The following ANTXR1 variants were observed in gnomAD, a reference collection of about 807,000 sequenced individuals.
ANTXR1 encodes anthrax toxin receptor 1.
In ANTXR1, 19 loss-of-function variants were observed where a neutral mutation model predicts 78.1. The ratio of observed to expected loss-of-function variants is 0.24; its 90% CI spans 0.17 to 0.36. ANTXR1 has a LOEUF of 0.36. ANTXR1 is among the 10% of genes least tolerant of loss of function. The probability of loss-of-function intolerance (pLI) is 1.00; values close to 1 mark genes in which losing one functional copy is unlikely to be tolerated. For synonymous variants in ANTXR1, 273 were observed against 260.5 expected, an observed-to-expected ratio of 1.05 and a Z score of -0.46; for missense variants, 518 against 718.6, an observed-to-expected ratio of 0.72 and a Z score of 3.19.
intron 14 of ANTXR1, among the ~76,000 whole-genome samples, chr2:69,180,385 A>G (rs1459732049): frequency 6.6e-6 from 1 of 152,216 alleles, no homozygotes; most frequent in African/African-American, 2.4e-5. Flanking sequence ...GAGAGAAATC[A>G]TGCCACTTCC....
chr2:69,111,290 C>A (rs1260427673), intron 10 of ANTXR1, among the ~76,000 whole-genome samples: 1 of 152,200 alleles, frequency 6.6e-6, no homozygotes, highest in Non-Finnish European at 1.5e-5. Flanking sequence ...AAAAGATCCA[C>A]TTTCAACTGG....
Position 69,102,855 on chromosome 2 carries a change from TGTC to T in ANTXR1, c.720_722del (p.Val241del). 1 of 1,614,110 alleles carries T rather than the reference TGTC, an allele frequency of 6.2e-7. No individual in the cohort carries two copies. The highest frequency in any genetic ancestry group is 8.5e-7 in the Non-Finnish European group (1 of 1,180,020). On this transcript the variant is annotated inframe_deletion, in exon 10 of 18. Transcript: ENST00000303714. The stretch of plus-strand genomic sequence containing the variant: ...TCTTTATTTCAGAGTCATTTCAAGT[TGTC>T]GTGAGAGGAAACGGCTTCCGACATG...
chr2:69,102,550 A>G (rs1329911911), intron 9 of ANTXR1, among the ~76,000 whole-genome samples: 1 of 152,230 alleles, frequency 6.6e-6, no homozygotes, highest in Non-Finnish European at 1.5e-5. Flanking sequence ...CTAAGATTTG[A>G]ATGGACAGAG....
intron 8 of ANTXR1, among the ~76,000 whole-genome samples, chr2:69,087,927 C>A (rs1003209625): frequency 1.3e-5 from 2 of 152,212 alleles, no homozygotes; most frequent in Non-Finnish European, 2.9e-5. Context: ...TGAAACCAGA[C>A]ATTTCAAATG....
At chr2:69,018,039 C>T (rs1386448515) in intron 1 of ANTXR1, among the ~76,000 whole-genome samples, 1 of 151,978 alleles carries the variant, frequency 6.6e-6, no homozygotes, top group African/African-American at 2.4e-5. Context: ...TTATGTGTGC[C>T]CTGAAGACTT....
At chr2:69,217,541 C>T (rs946491699) in intron 17 of ANTXR1, among the ~76,000 whole-genome samples, 29 of 152,308 alleles carry the variant, frequency 1.9e-4, no homozygotes, top group African/African-American at 7.0e-4. Context: ...CCACTCTGAA[C>T]TTGTAAAATG....
chr2:69,174,529 G>A (rs970283899), intron 14 of ANTXR1, among the ~76,000 whole-genome samples: 4 of 152,104 alleles, frequency 2.6e-5, no homozygotes, highest in African/African-American at 9.7e-5. Flanking sequence ...GGAGGCTAAG[G>A]CAGAAGAATT....
chr2:69,157,855 G>C (rs1305703600), intron 13 of ANTXR1, among the ~76,000 whole-genome samples: 3 of 152,084 alleles, frequency 2.0e-5, no homozygotes, highest in Non-Finnish European at 4.4e-5. Flanking sequence ...TTTTAAAAAA[G>C]GCAGCCAGGT....
At chr2:69,119,809 C>A (rs1364604354) in intron 10 of ANTXR1, among the ~76,000 whole-genome samples, 2 of 152,178 alleles carry the variant, frequency 1.3e-5, no homozygotes, top group Non-Finnish European at 2.9e-5. Context: ...CCGTGTGTAA[C>A]CTTGGACAAG....
chr2:69,189,605 A>G (rs1340552723), intron 16 of ANTXR1, among the ~76,000 whole-genome samples: 1 of 152,216 alleles, frequency 6.6e-6, no homozygotes, highest in Non-Finnish European at 1.5e-5. Flanking sequence ...ACAGATGATG[A>G]GGGCCTGGGC....
chr2:69,053,454 T>C (rs1669985382), intron 3 of ANTXR1, among the ~76,000 whole-genome samples: 1 of 152,154 alleles, frequency 6.6e-6, no homozygotes. Flanking sequence ...TTTCTTCTTG[T>C]GCTCTAGGAT....
intron 7 of ANTXR1, 160 bp from the exon 8 acceptor site, chr2:69,077,248 C>T: frequency 1.4e-6 from 1 of 715,210 alleles, no homozygotes; most frequent in African/African-American, 1.8e-5. Context: ...CTTGTTATTA[C>T]TGATGGCTTT....
intron 9 of ANTXR1, among the ~76,000 whole-genome samples, chr2:69,100,974 A>G (rs1279144665): frequency 6.6e-6 from 1 of 152,196 alleles, no homozygotes; most frequent in Non-Finnish European, 1.5e-5. Flanking sequence ...AAAAAACCAT[A>G]GGCCCGTCAC....
chr2:69,061,079 A>G (rs879567756), intron 3 of ANTXR1, among the ~76,000 whole-genome samples: 5 of 152,196 alleles, frequency 3.3e-5, no homozygotes, highest in Admixed American at 1.3e-4. Flanking sequence ...TGAACAAACC[A>G]TGTAGCCTTG....
At chr2:69,221,397 C>A (rs1295855740) in intron 17 of ANTXR1, among the ~76,000 whole-genome samples, 1 of 152,118 alleles carries the variant, frequency 6.6e-6, no homozygotes, top group Non-Finnish European at 1.5e-5. Context: ...GATTAAGCCC[C>A]ATTTTGTCCC....
At chr2:69,105,774 C>T (rs1671788813) in intron 10 of ANTXR1, among the ~76,000 whole-genome samples, 1 of 151,912 alleles carries the variant, frequency 6.6e-6, no homozygotes, top group South Asian at 2.1e-4. Flanking sequence ...CTAAGTGCTG[C>T]ATTGGAATTT....
intron 16 of ANTXR1, among the ~76,000 whole-genome samples, chr2:69,185,349 G>A (rs1049566748): frequency 6.6e-6 from 1 of 151,966 alleles, no homozygotes; most frequent in Non-Finnish European, 1.5e-5. Flanking sequence ...GACCAGCCCC[G>A]GCCAACATGG....
Position 69,105,506 on chromosome 2 carries a change from C to T in ANTXR1, c.802+2566C>T, listed in dbSNP as rs543482728. Among the ~76,000 whole-genome samples, 4 of 152,290 alleles carry T rather than the reference C, an allele frequency of 2.6e-5. No individual in the cohort carries two copies. The South Asian group carries it at 6.2e-4, about 24-fold the overall frequency. On this transcript the variant is annotated intron_variant, in intron 10 of 17. Transcript: ENST00000303714. ...AGTTAGTAATTCACCTGTTCATTTCCATGGAGAAAATAATATGAACAAGAA... is the reference window on the plus strand; with the variant it reads ...AGTTAGTAATTCACCTGTTCATTTCTATGGAGAAAATAATATGAACAAGAA...
rs772599768 is a variant in ANTXR1, at chr2:69,170,229, TTC to T, written c.1048-15_1048-14del. 2.5e-6 allele frequency: 4 copies of T among 1,614,136 alleles called. No homozygotes were observed. The highest frequency in any genetic ancestry group is 3.4e-6 in the Non-Finnish European group (4 of 1,179,974). On this transcript the variant is annotated splice_polypyrimidine_tract_variant and intron_variant, in intron 13 of 17. Transcript: ENST00000303714. The stretch of plus-strand genomic sequence containing the variant: ...TAGCCAGAGATTTTTCACTGACCTG[TTC>T]TCTGTTTTCTTTTCAGATTATCAAG...
Sources: allele counts gnomAD v4.1 joint callset (sites outside exome capture counted in the v4.1 genomes callset), GRCh38; gene constraint gnomAD v4.1.1; transcripts MANE v1.5; gene names NCBI Gene and HGNC (gene_info 2026-07-23, HGNC 2026-07-21).